The following BCLAF1 variants were observed in gnomAD, a reference collection of about 807,000 sequenced individuals.
BCLAF1 encodes BCL2 associated transcription factor 1.
In BCLAF1, 10 loss-of-function variants were observed where a neutral mutation model predicts 99.5. The ratio of observed to expected loss-of-function variants is 0.10; its 90% CI spans 0.06 to 0.17. The LOEUF (loss-of-function observed/expected upper bound fraction) is 0.17. BCLAF1 is among the 10% of genes least tolerant of loss of function. The probability of loss-of-function intolerance (pLI) is 1.00; values close to 1 mark genes in which losing one functional copy is unlikely to be tolerated. For synonymous variants in BCLAF1, 255 were observed against 370.9 expected, an observed-to-expected ratio of 0.69 and a Z score of 3.59; for missense variants, 636 against 1,105.8, an observed-to-expected ratio of 0.58 and a Z score of 6.02.
At chr6:136,287,056 C>T (rs1197743641) in intron 1 of BCLAF1, among the ~76,000 whole-genome samples, 1 of 152,100 alleles carries the variant, frequency 6.6e-6, no homozygotes, top group African/African-American at 2.4e-5. Context: ...ACAAGAATCA[C>T]TTCAACCTGG....
chr6:136,261,690 C>T (rs1781023710), intron 11 of BCLAF1, among the ~76,000 whole-genome samples: 1 of 152,094 alleles, frequency 6.6e-6, no homozygotes, highest in African/African-American at 2.4e-5. Flanking sequence ...TACTTAGCAA[C>T]CCAAGCACTG....
intron 1 of BCLAF1, among the ~76,000 whole-genome samples, chr6:136,284,156 A>ATATATATATATATATATC (rs1784796733): frequency 6.9e-6 from 1 of 144,240 alleles, no homozygotes. Flanking sequence ...ATATATATAT[A>ATATATATATATATATATC]TATCCAGAGA....
At chr6:136,273,865 T>C (rs1180110432) in intron 6 of BCLAF1, 1 of 639,890 alleles carries the variant, frequency 1.6e-6, no homozygotes, top group Non-Finnish European at 2.1e-6. Flanking sequence ...GTTGTAAATG[T>C]AAAATAGAAA....
intron 4 of BCLAF1, among the ~76,000 whole-genome samples, chr6:136,277,571 G>A (rs1393972404): frequency 1.3e-5 from 2 of 152,070 alleles, no homozygotes; most frequent in Non-Finnish European, 2.9e-5. Flanking sequence ...TATCGCCCAG[G>A]CTGGAGTGCA....
chr6:136,284,335 CAAAT>C (rs1468616899), intron 1 of BCLAF1, among the ~76,000 whole-genome samples: 4 of 151,758 alleles, frequency 2.6e-5, no homozygotes, highest in African/African-American at 9.7e-5. Context: ...ACCAATAACT[CAAAT>C]AATACACAAA....
chr6:136,262,074 A>G (rs1469991982), intron 11 of BCLAF1, among the ~76,000 whole-genome samples: 1 of 152,058 alleles, frequency 6.6e-6, no homozygotes, highest in Non-Finnish European at 1.5e-5. Flanking sequence ...TTAACATCTC[A>G]CTCAGTTCTT....
intron 4 of BCLAF1, among the ~76,000 whole-genome samples, chr6:136,277,013 G>A (rs1463894666): frequency 2.6e-5 from 4 of 152,086 alleles, no homozygotes; most frequent in Admixed American, 6.6e-5. Context: ...GAAAAATAAT[G>A]ATTTCTGGCA....
chr6:136,282,579 T>C lies in BCLAF1; in HGVS notation c.-11+5A>G, dbSNP rs1784520921. 6.6e-6 allele frequency: 1 copy of C among 152,148 alleles called. No homozygotes were observed. The highest frequency in any genetic ancestry group is 1.5e-5 in the Non-Finnish European group (1 of 68,022). 9.4% of individuals were successfully genotyped at this position (152,148 alleles called of 1,614,324 possible). A position where few individuals can be genotyped will look rare whatever the true frequency, so the allele number is the denominator to read the frequency against. ...TGAAAACTAGAAAAATGAATGCTCT[T>C]TTACCTTGGTTTTATGCAGGATCAA... On this transcript the variant is annotated splice_donor_5th_base_variant and intron_variant, in intron 2 of 12. Transcript: ENST00000531224.
chr6:136,274,628 T>A (rs983105809), intron 6 of BCLAF1, among the ~76,000 whole-genome samples: 1 of 152,006 alleles, frequency 6.6e-6, no homozygotes, highest in African/African-American at 2.4e-5. Context: ...GCTGTTCTCA[T>A]GTCAAACGAC....
intron 11 of BCLAF1, among the ~76,000 whole-genome samples, chr6:136,263,584 T>A (rs1368829642): frequency 2.0e-5 from 3 of 152,198 alleles, no homozygotes; most frequent in African/African-American, 7.2e-5. Flanking sequence ...TATACACAGC[T>A]AAGAACATGT....
chr6:136,277,378 C>T (rs1187124254), intron 4 of BCLAF1, among the ~76,000 whole-genome samples: 1 of 152,168 alleles, frequency 6.6e-6, no homozygotes, highest in Non-Finnish European at 1.5e-5. Context: ...GCCTTCAATG[C>T]TTTAAGAAAC....
At position 136,261,099 on chromosome 6, in the gene BCLAF1, C is replaced by A; in HGVS notation, c.*11G>T. ...CAAGTTCTGCTCTGTTGTAATCTTA[C>A]TTCATATTTATTATTCCTAAAAGAG... On this transcript the variant is annotated 3_prime_UTR_variant, in exon 13 of 13. Transcript: ENST00000531224. The A allele has an allele frequency of 1.3e-6, 2 of 1,576,068 alleles. No individual in the cohort carries two copies. Among genetic ancestry groups the A allele is most frequent in the Non-Finnish European group, 1.7e-6 (2 of 1,162,510 alleles).
chr6:136,276,110 C>G lies in BCLAF1; in HGVS notation c.1415G>C (p.Ser472Thr). The change falls in exon 5 of 13, where the codon AGC (serine) becomes ACC (threonine). Residue 472 changes from serine to threonine, a missense_variant. Ser to Thr is a moderately conservative substitution (Grantham distance 58, BLOSUM62 1). This residue lies in a region of BCLAF1 where 186 missense variants were observed against 275.3 expected (regional missense o/e 0.68). Transcript: ENST00000531224. ...TTCTTTGTGCTTATCTTTTGTAGTG[C>G]TAGGCCTTTCCACTACATATCCAGT... ...KETGYVVERPSTTKDKHKEED... is the reference protein window; with the variant it reads ...KETGYVVERPTTTKDKHKEED... 1 of 1,612,366 alleles carries G rather than the reference C, an allele frequency of 6.2e-7. No individual in the cohort carries two copies.
chr6:136,284,413 G>T (rs544933128), intron 1 of BCLAF1, among the ~76,000 whole-genome samples: 1 of 151,938 alleles, frequency 6.6e-6, no homozygotes, highest in Non-Finnish European at 1.5e-5. Context: ...TTTAAAAAAT[G>T]AAAGTCTATA....
chr6:136,286,545 G>T (rs1177145156), intron 1 of BCLAF1, among the ~76,000 whole-genome samples: 1 of 152,166 alleles, frequency 6.6e-6, no homozygotes, highest in Non-Finnish European at 1.5e-5. Context: ...CATCATTATT[G>T]GTAACCCTTG....
At chr6:136,288,123 G>A (rs74581468) in intron 1 of BCLAF1, among the ~76,000 whole-genome samples, 8 of 152,308 alleles carry the variant, frequency 5.3e-5, no homozygotes, top group African/African-American at 1.7e-4. Flanking sequence ...GTCAAGAAGG[G>A]CTCTGGCTAA....
intron 6 of BCLAF1, among the ~76,000 whole-genome samples, chr6:136,274,419 A>C (rs566687953): frequency 6.6e-6 from 1 of 152,062 alleles, no homozygotes; most frequent in Non-Finnish European, 1.5e-5. Context: ...TTAAAAAAAA[A>C]AGAATGTTTC....
intron 11 of BCLAF1, among the ~76,000 whole-genome samples, chr6:136,264,213 T>G (rs769854078): frequency 3.9e-5 from 6 of 152,198 alleles, no homozygotes; most frequent in Admixed American, 6.5e-5. Flanking sequence ...TACTAAGCTT[T>G]TTTGTTTGTT....
At chr6:136,283,619 A>G (rs868703791) in intron 1 of BCLAF1, among the ~76,000 whole-genome samples, 3 of 152,334 alleles carry the variant, frequency 2.0e-5, no homozygotes, top group Admixed American at 1.3e-4. Flanking sequence ...ATTAATATAC[A>G]TCAGCACTCA....
Sources: allele counts gnomAD v4.1 joint callset (sites outside exome capture counted in the v4.1 genomes callset), GRCh38; gene constraint gnomAD v4.1.1; regional missense constraint gnomAD v4.1.1; transcripts MANE v1.5; gene names NCBI Gene and HGNC (gene_info 2026-07-23, HGNC 2026-07-21).